The following AGAP1 variants were observed in gnomAD, a reference collection of about 807,000 sequenced individuals.
AGAP1 encodes the protein ArfGAP with GTPase domain, ankyrin repeat and PH domain 1, also known as arf-GAP with GTPase, ANK repeat and PH domain-containing protein 1.
Under a neutral mutation model 105.3 loss-of-function variants are expected in AGAP1, and 29 were observed. The observed-to-expected ratio is 0.28, with a 90% CI of 0.21 to 0.38. The LOEUF is 0.38. AGAP1 is among the 10% of genes least tolerant of loss of function. The pLI, the probability that AGAP1 is intolerant of heterozygous loss-of-function variation, is 1.00. For missense variants in AGAP1, 998 were observed against 1,165.1 expected (o/e 0.86, Z 2.09); for synonymous variants, 509 against 485.9 (o/e 1.05, Z -0.63).
chr2:235,800,477 C>CT (rs1957444109), intron 8 of AGAP1, among the ~76,000 whole-genome samples: 1 of 152,108 alleles, frequency 6.6e-6, no homozygotes, highest in African/African-American at 2.4e-5. Context: ...GGCAAAAATG[C>CT]TGCCAGCCTG....
At chr2:235,803,887 A>G (rs1025382490) in intron 8 of AGAP1, among the ~76,000 whole-genome samples, 1 of 152,240 alleles carries the variant, frequency 6.6e-6, no homozygotes, top group African/African-American at 2.4e-5. Context: ...ACAAACATTA[A>G]AAGACTGTAT....
At chr2:235,571,995 CACACACA>C (rs1944539134) in intron 1 of AGAP1, among the ~76,000 whole-genome samples, 3 of 122,914 alleles carry the variant, frequency 2.4e-5, no homozygotes, top group African/African-American at 1.0e-4. Flanking sequence ...CACACACACA[CACACACA>C]CTTTTTTTTT....
Position 235,740,291 on chromosome 2 carries a change from C to A in AGAP1, c.311-672C>A, listed in dbSNP as rs1952504415. On this transcript the variant is annotated intron_variant, in intron 3 of 17. Transcript: ENST00000304032. This position sits in a 1 kb window ranked among gnomAD's most constrained non-coding sequence, Gnocchi z 5.7. ...CATGCCCGCACCCCCTCCTCATGGT[C>A]ACCTCTGTTCCTGCAGGGTCCCGGT... 1.3e-5 allele frequency among the ~76,000 whole-genome samples: 2 copies of A among 152,090 alleles called. No individual in the cohort carries two copies. Among genetic ancestry groups the A allele is most frequent in the Admixed American group, 1.3e-4 (2 of 15,260 alleles).
At chr2:236,084,237 T>C (rs2058864515) in intron 16 of AGAP1, among the ~76,000 whole-genome samples, 1 of 152,028 alleles carries the variant, frequency 6.6e-6, no homozygotes, top group Non-Finnish European at 1.5e-5. Context: ...GGGGGGTCTC[T>C]GCGGCCACCT....
intron 1 of AGAP1, among the ~76,000 whole-genome samples, chr2:235,524,754 C>T (rs1559223023): frequency 6.6e-6 from 1 of 152,136 alleles, no homozygotes; most frequent in Non-Finnish European, 1.5e-5. Flanking sequence ...TCGTCCCTTT[C>T]TTTTAGGGAA....
rs896579902 is a variant in AGAP1, at chr2:235,535,173, G to A, written c.163+40324G>A. ...CAGCCCAGGTCAGCCTCCCTCCACC[G>A]GGCCACCCGCACCAGGTTGCCTCCC... On this transcript the variant is annotated intron_variant, in intron 1 of 17. Coordinates refer to ENST00000304032, the MANE Select transcript of AGAP1 (RefSeq NM_001037131.3). This position sits in a 1 kb window ranked among gnomAD's most constrained non-coding sequence, Gnocchi z 5.1. Among the ~76,000 whole-genome samples the A allele has an allele frequency of 2.6e-5, 4 of 151,944 alleles. No individual in the cohort carries two copies. The highest frequency in any genetic ancestry group is 2.1e-4 in the South Asian group (1 of 4,814).
intron 12 of AGAP1, among the ~76,000 whole-genome samples, chr2:235,938,933 A>G (rs1160565692): frequency 1.3e-5 from 2 of 152,180 alleles, no homozygotes; most frequent in African/African-American, 4.8e-5. Context: ...GCCGCTAGAG[A>G]TCTAGTCCAT....
At chr2:235,859,408 G>GC (rs2048831153) in intron 9 of AGAP1, among the ~76,000 whole-genome samples, 1 of 15,246 alleles carries the variant, frequency 6.6e-5, no homozygotes, top group African/African-American at 2.5e-4. Flanking sequence ...CCCCCCCCCC[G>GC]CCTTTTGTTC....
chr2:235,618,138 C>T (rs945430621), intron 1 of AGAP1, among the ~76,000 whole-genome samples: 1 of 152,066 alleles, frequency 6.6e-6, no homozygotes, highest in African/African-American at 2.4e-5. Flanking sequence ...GCAGTTTTTG[C>T]TCCCTTTTAC....
Position 236,002,829 on chromosome 2 carries a change from T to C in AGAP1, c.1646-33732T>C, listed in dbSNP as rs2056179753. Among the ~76,000 whole-genome samples, 1 of 152,074 alleles carries C rather than the reference T, an allele frequency of 6.6e-6. No homozygotes were observed. The highest frequency in any genetic ancestry group is 6.5e-5 in the Admixed American group (1 of 15,270). Reference sequence around the variant, plus strand: ...TTTATATGATATTTCTTGCGTTGAATTCAGTATGTGCTCAAGTTAAGTGTG... The same window carrying C: ...TTTATATGATATTTCTTGCGTTGAACTCAGTATGTGCTCAAGTTAAGTGTG... On this transcript the variant is annotated intron_variant, in intron 13 of 17. Transcript: ENST00000304032. The surrounding 1 kb of genome is among the most constrained non-coding windows in gnomAD (Gnocchi z 4.3).
In AGAP1 at chr2:235,690,562, G is replaced by T. The variant is rs1352609387; in HGVS notation, c.164-18617G>T. Among the ~76,000 whole-genome samples the T allele has an allele frequency of 6.6e-6, 1 of 152,216 alleles. No homozygotes were observed. Among genetic ancestry groups the T allele is most frequent in the Admixed American group, 6.5e-5 (1 of 15,280 alleles). On this transcript the variant is annotated intron_variant, in intron 1 of 17. Coordinates refer to ENST00000304032, the MANE Select transcript of AGAP1 (RefSeq NM_001037131.3). The surrounding 1 kb of genome is among the most constrained non-coding windows in gnomAD (Gnocchi z 4.1). ...CTCAGACACCTAAGCAGCCACATCA[G>T]ACCCAGAGTCCGAGGTAGAATGGAT...
intron 9 of AGAP1, among the ~76,000 whole-genome samples, chr2:235,839,305 G>A (rs116370564): frequency 0.012 from 1,831 of 152,342 alleles, 16 homozygotes; most frequent in Non-Finnish European, 0.018. Context: ...GCCCACGGGT[G>A]TGGGCGTGCA....
intron 1 of AGAP1, among the ~76,000 whole-genome samples, chr2:235,495,737 T>G (rs1183203048): frequency 6.6e-6 from 1 of 152,232 alleles, no homozygotes; most frequent in Non-Finnish European, 1.5e-5. Flanking sequence ...GCTGATTTAT[T>G]TTCTTGCTTC....
rs56216897 is a variant in AGAP1, at chr2:236,067,765, G to A, written c.2114+18484G>A. On this transcript the variant is annotated intron_variant, in intron 16 of 17. Coordinates refer to ENST00000304032, the MANE Select transcript of AGAP1 (RefSeq NM_001037131.3). ...TTCCGCACATCCTTTCCAGTATGCCGTGTTCACGTGAGGTGAGACGAGGAA... is the reference window on the plus strand; with the variant it reads ...TTCCGCACATCCTTTCCAGTATGCCATGTTCACGTGAGGTGAGACGAGGAA... 8.6e-3 allele frequency among the ~76,000 whole-genome samples: 1,316 copies of A among 152,266 alleles called. 11 individuals carry two copies. Among genetic ancestry groups the A allele is most frequent in the African/African-American group, 0.029 (1,213 of 41,548 alleles).
chr2:236,093,126 ATC>A (rs2059106478), intron 16 of AGAP1, among the ~76,000 whole-genome samples: 1 of 152,226 alleles, frequency 6.6e-6, no homozygotes, highest in Non-Finnish European at 1.5e-5. Context: ...GAACTGGAAA[ATC>A]TCTATCCCGC....
intron 13 of AGAP1, among the ~76,000 whole-genome samples, chr2:236,032,154 C>G (rs1390428690): frequency 6.6e-6 from 1 of 152,122 alleles, no homozygotes; most frequent in Non-Finnish European, 1.5e-5. Flanking sequence ...CTGCTATCCC[C>G]CAAAACTCTT....
At chr2:235,657,252 T>A (rs1268514568) in intron 1 of AGAP1, among the ~76,000 whole-genome samples, 1 of 152,204 alleles carries the variant, frequency 6.6e-6, no homozygotes, top group East Asian at 1.9e-4. Context: ...GGAGTTGAGT[T>A]GTTCAATGCA....
In AGAP1 at chr2:235,887,151, G is replaced by A. The variant is rs143808189; in HGVS notation, c.1155+3702G>A. ...AACCAGATGATCTCAGTTAAACACG[G>A]ACCATGCTGTGACACCCACATCCTT... On this transcript the variant is annotated intron_variant, in intron 10 of 17. Transcript: ENST00000304032. The surrounding 1 kb of genome is among the most constrained non-coding windows in gnomAD (Gnocchi z 4.1). Among the ~76,000 whole-genome samples the A allele has an allele frequency of 6.1e-3, 923 of 152,250 alleles. 4 individuals are homozygous for A. The highest frequency in any genetic ancestry group is 0.021 in the African/African-American group (878 of 41,558).
At chr2:236,112,838 T>C (rs1189429045) in intron 16 of AGAP1, among the ~76,000 whole-genome samples, 1 of 152,248 alleles carries the variant, frequency 6.6e-6, no homozygotes, top group Non-Finnish European at 1.5e-5. Context: ...GGCCACCTTA[T>C]GGCCCCAGGC....
Sources: allele counts gnomAD v4.1 joint callset (sites outside exome capture counted in the v4.1 genomes callset), GRCh38; gene constraint gnomAD v4.1.1; non-coding constraint Gnocchi (gnomAD v3.1); transcripts MANE v1.5; gene names NCBI Gene and HGNC (gene_info 2026-07-23, HGNC 2026-07-21).